RABGAP1L: variants seen among roughly 807,000 people sequenced by gnomAD.
RABGAP1L encodes the protein rab GTPase-activating protein 1-like.
Under a neutral mutation model 137.7 loss-of-function variants are expected in RABGAP1L, and 63 were observed. The ratio of observed to expected loss-of-function variants is 0.46; its 90% CI spans 0.37 to 0.56. The LOEUF (loss-of-function observed/expected upper bound fraction) is 0.56. RABGAP1L is among the 20% of genes least tolerant of loss of function. The pLI is 0.00. For missense variants in RABGAP1L, 1,095 were observed against 1,244.0 expected (o/e 0.88, Z 1.80); for synonymous variants, 431 against 433.7 (o/e 0.99, Z 0.08).
At chr1:174,398,876 AT>A (rs773723342) in intron 13 of RABGAP1L, among the ~76,000 whole-genome samples, 7 of 152,218 alleles carry the variant, frequency 4.6e-5, no homozygotes, top group Non-Finnish European at 1.0e-4. Flanking sequence ...TATTCTAAAA[AT>A]ATATGTAAAC....
At chr1:174,469,739 C>T (rs1248951259) in intron 13 of RABGAP1L, among the ~76,000 whole-genome samples, 3 of 152,056 alleles carry the variant, frequency 2.0e-5, no homozygotes, top group Non-Finnish European at 2.9e-5. Context: ...TGCATTATTT[C>T]CAAAAGCTGT....
chr1:174,366,277 G>A, intron 11 of RABGAP1L, among the ~76,000 whole-genome samples: 1 of 152,118 alleles, frequency 6.6e-6, no homozygotes, highest in East Asian at 1.9e-4. Context: ...CCTGAGTTTT[G>A]AGTTTTTCAT....
chr1:174,445,489 A>C (rs1654640737), intron 13 of RABGAP1L, among the ~76,000 whole-genome samples: 1 of 152,012 alleles, frequency 6.6e-6, no homozygotes, highest in Non-Finnish European at 1.5e-5. Context: ...TATTGCTCTG[A>C]ATAGATTTTG....
chr1:174,544,557 C>T (rs577331656), intron 13 of RABGAP1L, among the ~76,000 whole-genome samples: 209 of 152,276 alleles, frequency 1.4e-3, no homozygotes, highest in African/African-American at 4.2e-3. Flanking sequence ...TCCTTTAGCT[C>T]GGATAAGTTC....
intron 13 of RABGAP1L, among the ~76,000 whole-genome samples, chr1:174,473,889 A>G (rs2149314006): frequency 6.6e-6 from 1 of 152,296 alleles, no homozygotes; most frequent in African/African-American, 2.4e-5. Flanking sequence ...GAGAAAATGA[A>G]TGATCAGGAA....
chr1:174,263,114 C>G (rs757246627), intron 7 of RABGAP1L, among the ~76,000 whole-genome samples: 5 of 152,204 alleles, frequency 3.3e-5, no homozygotes, highest in Non-Finnish European at 7.3e-5. Context: ...TGCCCCAGGC[C>G]TCGTACCACC....
chr1:174,210,704 C>A lies in RABGAP1L; in HGVS notation c.-33-8421C>A, dbSNP rs985361605. Among the ~76,000 whole-genome samples the A allele has an allele frequency of 5.1e-4, 77 of 151,978 alleles. 1 individual carries two copies. Among genetic ancestry groups the A allele is most frequent in the Non-Finnish European group, 8.8e-5 (6 of 67,992 alleles). ...CAAAGGGGTAATAACAGAGAACTTACCAAATCTACAGAAAGATATCAATAT... is the reference window on the plus strand; with the variant it reads ...CAAAGGGGTAATAACAGAGAACTTAACAAATCTACAGAAAGATATCAATAT... On this transcript the variant is annotated intron_variant, in intron 1 of 25. Transcript: ENST00000681986.
intron 14 of RABGAP1L, among the ~76,000 whole-genome samples, chr1:174,645,976 TC>T (rs1223887614): frequency 6.6e-6 from 1 of 152,206 alleles, no homozygotes; most frequent in African/African-American, 2.4e-5. Context: ...GAGCTTTTTT[TC>T]ATATGTTTGT....
intron 15 of RABGAP1L, among the ~76,000 whole-genome samples, chr1:174,683,962 C>A (rs954821181): frequency 6.6e-6 from 1 of 152,090 alleles, no homozygotes; most frequent in South Asian, 2.1e-4. Context: ...TTTATATATC[C>A]TCTTTCCTGT....
intron 1 of RABGAP1L, among the ~76,000 whole-genome samples, chr1:174,170,306 A>G (rs1272365801): frequency 6.6e-6 from 1 of 152,212 alleles, no homozygotes; most frequent in African/African-American, 2.4e-5. Flanking sequence ...CACAGTAACC[A>G]TATGAGGTAG....
chr1:174,180,898 T>G (rs1177065929), intron 1 of RABGAP1L, among the ~76,000 whole-genome samples: 1 of 152,222 alleles, frequency 6.6e-6, no homozygotes, highest in Non-Finnish European at 1.5e-5. Flanking sequence ...ATTAAAACAC[T>G]CTGTGCCTGG....
chr1:174,500,681 G>A (rs759169542), intron 13 of RABGAP1L, among the ~76,000 whole-genome samples: 19 of 152,158 alleles, frequency 1.2e-4, no homozygotes, highest in Non-Finnish European at 2.2e-4. Flanking sequence ...TATATGACAA[G>A]TAACTCCCAT....
At chr1:174,975,119 T>C (rs1670533260) in intron 21 of RABGAP1L, among the ~76,000 whole-genome samples, 1 of 152,188 alleles carries the variant, frequency 6.6e-6, no homozygotes, top group Non-Finnish European at 1.5e-5. Flanking sequence ...ACCAAGTACT[T>C]AGGGAGCACC....
chr1:174,500,985 A>AT (rs1266764149), intron 13 of RABGAP1L, among the ~76,000 whole-genome samples: 1 of 152,138 alleles, frequency 6.6e-6, no homozygotes, highest in East Asian at 1.9e-4. Flanking sequence ...CATTGCCTTA[A>AT]TTGAGTAGAA....
At chr1:174,308,735 T>C (rs1464553086) in intron 11 of RABGAP1L, among the ~76,000 whole-genome samples, 1 of 152,100 alleles carries the variant, frequency 6.6e-6, no homozygotes, top group Non-Finnish European at 1.5e-5. Context: ...GGTCTATATG[T>C]CTGTTTTTAT....
At chr1:174,481,902 A>G (rs993158322) in intron 13 of RABGAP1L, among the ~76,000 whole-genome samples, 3 of 150,388 alleles carry the variant, frequency 2.0e-5, no homozygotes, top group Non-Finnish European at 4.4e-5. Flanking sequence ...AGAAAAAAAA[A>G]GAAAAAAAAA....
At chr1:174,205,346 G>C (rs1362184844) in intron 1 of RABGAP1L, among the ~76,000 whole-genome samples, 1 of 152,156 alleles carries the variant, frequency 6.6e-6, no homozygotes, top group Admixed American at 6.5e-5. Context: ...TTTTGGAATA[G>C]TTTCTGTAGG....
At chr1:174,313,032 C>T (rs1679009431) in intron 11 of RABGAP1L, among the ~76,000 whole-genome samples, 1 of 152,006 alleles carries the variant, frequency 6.6e-6, no homozygotes, top group Non-Finnish European at 1.5e-5. Flanking sequence ...AGTTGTGATT[C>T]TTGAACTGCC....
chr1:174,524,693 G>A (rs2147860510), intron 13 of RABGAP1L, among the ~76,000 whole-genome samples: 1 of 143,454 alleles, frequency 7.0e-6, no homozygotes, highest in African/African-American at 2.7e-5. Flanking sequence ...GTGCTTTTAA[G>A]GTCTTAGCTG....
Sources: gnomAD v4.1 joint callset for allele counts (sites outside exome capture counted in the v4.1 genomes callset) on GRCh38, gnomAD v4.1.1 for gene constraint, MANE v1.5 for transcripts, NCBI Gene and HGNC (gene_info 2026-07-23, HGNC 2026-07-21) for gene names.